Variants in CDKL5 observed in about 807,000 individuals in gnomAD.
CDKL5 encodes cyclin-dependent kinase-like 5.
CDKL5 carries 8 observed loss-of-function variants against 61.7 expected under a neutral mutation model. The ratio of observed to expected loss-of-function variants is 0.13; its 90% confidence interval spans 0.08 to 0.23. The LOEUF is 0.23. Among genes scored for constraint, CDKL5 ranks in the 10% least tolerant of loss-of-function variants. CDKL5 has a pLI of 1.00. For missense variants in CDKL5, 440 were observed against 734.5 expected (o/e 0.60, Z 4.63); for synonymous variants, 275 against 272.3 (o/e 1.01, Z -0.10).
intron 1 of CDKL5, among the ~76,000 whole-genome samples, chrX:18,432,976 CCAGCACTTTGG>C (rs1164167068): frequency 2.7e-5 from 3 of 111,670 alleles, no homozygotes; most frequent in Non-Finnish European, 5.7e-5. Context: ...GCCTGTAATC[CCAGCACTTTGG>C]CAGGCCGAGG....
intron 1 of CDKL5, among the ~76,000 whole-genome samples, chrX:18,444,209 A>G (rs758763953): frequency 2.7e-5 from 3 of 109,927 alleles, no homozygotes; most frequent in African/African-American, 9.9e-5. Flanking sequence ...ATTATCTTTT[A>G]AAATAGTTTC....
At chrX:18,467,309 G>A (rs1306775879) in intron 1 of CDKL5, among the ~76,000 whole-genome samples, 1 of 111,529 alleles carries the variant, frequency 9.0e-6, no homozygotes, top group African/African-American at 3.3e-5. Flanking sequence ...TTTGTTTTGG[G>A]TTAAATGAAG....
intron 3 of CDKL5, among the ~76,000 whole-genome samples, chrX:18,530,038 T>C (rs1320167909): frequency 9.0e-6 from 1 of 111,366 alleles, no homozygotes; most frequent in Non-Finnish European, 1.9e-5. Flanking sequence ...TTTTTAAAAA[T>C]CTTTATTTTG....
rs779353888 is a variant in CDKL5 at position 18,595,191 on chromosome X, C to CA, written c.745-148dup. 8.1e-4 allele frequency among the ~76,000 whole-genome samples: 89 copies of CA among 109,528 alleles called. 1 individual carries two copies. In the East Asian group the frequency reaches 0.02, roughly 25 times the overall value. On this transcript the variant is annotated intron_variant, in intron 9 of 17. Transcript: ENST00000623535. ...CATGAAACTCTGTCTCAAAAACAAA[C>CA]AAAAAAAAATACATAGACAACAAAA...
intron 4 of CDKL5, among the ~76,000 whole-genome samples, chrX:18,567,597 T>C (rs748469160): frequency 1.8e-5 from 2 of 111,868 alleles, no homozygotes; most frequent in Admixed American, 1.9e-4. Flanking sequence ...TACAAAATGC[T>C]TTGGCTGGGT....
At chrX:18,450,355 A>G (rs1355486709) in intron 1 of CDKL5, among the ~76,000 whole-genome samples, 1 of 112,099 alleles carries the variant, frequency 8.9e-6, no homozygotes, top group Admixed American at 9.6e-5. Flanking sequence ...TACTTGGTAC[A>G]TAATAGGCAG....
At chrX:18,579,667 C>G (rs1396788561) in intron 5 of CDKL5, among the ~76,000 whole-genome samples, 181 bp from the exon 6 acceptor site, 1 of 109,784 alleles carries the variant, frequency 9.1e-6, no homozygotes, top group Non-Finnish European at 1.9e-5. Context: ...TGGAATTCCT[C>G]ATAAAAGAAA....
intron 9 of CDKL5, among the ~76,000 whole-genome samples, chrX:18,592,516 A>T (rs755718388): frequency 3.6e-5 from 4 of 111,644 alleles, no homozygotes; most frequent in East Asian, 5.6e-4. Flanking sequence ...TCTTCCCTAA[A>T]CAATACTGTC....
intron 1 of CDKL5, among the ~76,000 whole-genome samples, chrX:18,499,755 G>A (rs1161524032): frequency 8.9e-6 from 1 of 111,884 alleles, no homozygotes; most frequent in Non-Finnish European, 1.9e-5. Context: ...AAAGTCTTTT[G>A]GGATCATTTT....
chrX:18,612,897 A>C (rs1474641341), intron 14 of CDKL5, among the ~76,000 whole-genome samples: 1 of 109,526 alleles, frequency 9.1e-6, no homozygotes, highest in African/African-American at 3.3e-5. Flanking sequence ...TTTGTGTTAG[A>C]GAAAATGCAG....
intron 3 of CDKL5, among the ~76,000 whole-genome samples, chrX:18,522,156 C>T (rs1220309900): frequency 9.1e-6 from 1 of 110,052 alleles, no homozygotes; most frequent in Non-Finnish European, 1.9e-5. Flanking sequence ...ACTATAAATT[C>T]TTCCAATCCA....
intron 3 of CDKL5, among the ~76,000 whole-genome samples, chrX:18,526,703 A>G (rs888789142): frequency 9.0e-6 from 1 of 111,432 alleles, no homozygotes; most frequent in Non-Finnish European, 1.9e-5. Context: ...ATCCAGTGAT[A>G]AGACCATGTG....
At chrX:18,442,632 T>A (rs951806833) in intron 1 of CDKL5, among the ~76,000 whole-genome samples, 5 of 111,161 alleles carry the variant, frequency 4.5e-5, no homozygotes, top group Non-Finnish European at 7.5e-5. Context: ...TAGCTGGGAC[T>A]ACAGGTGCCC....
At position 18,633,055 on chromosome X, in the gene CDKL5, C is replaced by T. The variant is rs1388397250; in HGVS notation, c.*4298C>T. 6.6e-6 allele frequency: 5 copies of T among 753,807 alleles called. No individual in the cohort carries two copies. The highest frequency in any genetic ancestry group is 6.3e-6 in the Non-Finnish European group (4 of 639,074). 62.1% of individuals were successfully genotyped at this position (753,807 alleles called of 1,213,427 possible). A position where few individuals can be genotyped will look rare whatever the true frequency, so the allele number is the denominator to read the frequency against. On this transcript the variant is annotated 3_prime_UTR_variant, in exon 18 of 18. Coordinates refer to ENST00000623535, the MANE Select transcript of CDKL5 (RefSeq NM_001323289.2). ...GCAAGGGCAATGGCTCAATGTGATT[C>T]GGTGCTGGAGCTCAGCTGGGACTCA... is the stretch of plus-strand genomic sequence containing the variant.
chrX:18,626,623 G>A (rs1569224882), intron 17 of CDKL5, among the ~76,000 whole-genome samples: 1 of 90,820 alleles, frequency 1.1e-5, no homozygotes, highest in Non-Finnish European at 2.1e-5. Context: ...GAGAGCTTTA[G>A]AACTTTCTTT....
intron 3 of CDKL5, among the ~76,000 whole-genome samples, chrX:18,528,975 T>C (rs1198376281): frequency 1.8e-5 from 2 of 111,445 alleles, no homozygotes; most frequent in African/African-American, 6.5e-5. Flanking sequence ...ACTCTGATAA[T>C]TTCTTTTAAC....
At chrX:18,623,995 A>G (rs1926965274) in intron 16 of CDKL5, 1 of 751,194 alleles carries the variant, frequency 1.3e-6, no homozygotes, top group Non-Finnish European at 1.6e-6. Flanking sequence ...TAGTCACTCC[A>G]CCCATGGTAC....
intron 1 of CDKL5, among the ~76,000 whole-genome samples, chrX:18,432,532 G>A (rs899221329): frequency 3.5e-4 from 39 of 110,137 alleles, no homozygotes; most frequent in Non-Finnish European, 5.7e-5. Flanking sequence ...GTAAGCTACC[G>A]TGCCTGGCCA....
In CDKL5 at chrX:18,630,943, A is replaced by G. The variant is rs1241117004; in HGVS notation, c.*2186A>G. 8 of 743,224 alleles carry G rather than the reference A, an allele frequency of 1.1e-5. No homozygotes were observed. The highest frequency in any genetic ancestry group is 1.0e-4 in the Admixed American group (1 of 9,777). 61.2% of individuals were successfully genotyped at this position (743,224 alleles called of 1,213,427 possible). A position where few individuals can be genotyped will look rare whatever the true frequency, so the allele number is the denominator to read the frequency against. ...GGTGTGTATTTAACTCTTCTTTTTC[A>G]TACTAGATCTCTACCTTGTATTCCC... On this transcript the variant is annotated 3_prime_UTR_variant, in exon 18 of 18. Transcript: ENST00000623535.
Sources: gnomAD v4.1 joint callset for allele counts (sites outside exome capture counted in the v4.1 genomes callset) on GRCh38, gnomAD v4.1.1 for gene constraint, MANE v1.5 for transcripts, NCBI Gene and HGNC (gene_info 2026-07-23, HGNC 2026-07-21) for gene names.